TMEM132C: variants seen among roughly 807,000 people sequenced by gnomAD.
The protein encoded by TMEM132C is protein phosphatase 1, regulatory subunit 152.
Under a neutral mutation model 61.4 loss-of-function variants are expected in TMEM132C, and 29 were observed. The ratio of observed to expected loss-of-function variants is 0.47; its 90% CI spans 0.35 to 0.64. The LOEUF (loss-of-function observed/expected upper bound fraction) is 0.64. TMEM132C is among the 30% of genes least tolerant of loss of function. The pLI is 0.00. For synonymous variants in TMEM132C, 656 were observed against 633.1 expected, an observed-to-expected ratio of 1.04 and a Z score of -0.54; for missense variants, 1,408 against 1,476.9, an observed-to-expected ratio of 0.95 and a Z score of 0.76.
intron 1 of TMEM132C, among the ~76,000 whole-genome samples, chr12:128,384,660 T>C (rs1440447362): frequency 6.6e-6 from 1 of 152,180 alleles, no homozygotes; most frequent in African/African-American, 2.4e-5. Flanking sequence ...TCAGTTCTGA[T>C]TTTTACATGT....
At chr12:128,520,172 G>A (rs951116771) in intron 2 of TMEM132C, among the ~76,000 whole-genome samples, 1 of 152,218 alleles carries the variant, frequency 6.6e-6, no homozygotes, top group East Asian at 1.9e-4. Context: ...GCTCTCAGAA[G>A]CACAGATGTC....
intron 2 of TMEM132C, among the ~76,000 whole-genome samples, chr12:128,424,414 G>T (rs1869107901): frequency 6.6e-6 from 1 of 150,602 alleles, no homozygotes; most frequent in Non-Finnish European, 1.5e-5. Context: ...ACTGGTACAT[G>T]CTACAATATG....
At chr12:128,374,910 G>A (rs1362074271) in intron 1 of TMEM132C, among the ~76,000 whole-genome samples, 12 of 81,464 alleles carry the variant, frequency 1.5e-4, no homozygotes, top group East Asian at 3.9e-4. Context: ...GACAAACTCC[G>A]TCTGTCTCAA....
At chr12:128,424,572 G>A (rs1358993608) in intron 2 of TMEM132C, among the ~76,000 whole-genome samples, 4 of 152,276 alleles carry the variant, frequency 2.6e-5, no homozygotes, top group South Asian at 2.1e-4. Context: ...CCAGGACAAC[G>A]GGAGGTGGCA....
intron 3 of TMEM132C, among the ~76,000 whole-genome samples, chr12:128,603,940 T>C (rs1223213079): frequency 6.6e-6 from 1 of 152,098 alleles, no homozygotes; most frequent in Non-Finnish European, 1.5e-5. Context: ...CCACTTGTGG[T>C]TGGGCCAGAG....
chr12:128,551,502 G>C (rs112866217), intron 3 of TMEM132C, among the ~76,000 whole-genome samples: 3,881 of 152,214 alleles, frequency 0.025, 187 homozygotes, highest in African/African-American at 0.089. Flanking sequence ...GTCAGGCAAA[G>C]TCAGCCAACA....
chr12:128,493,333 A>G (rs1226738108), intron 2 of TMEM132C, among the ~76,000 whole-genome samples: 2 of 151,982 alleles, frequency 1.3e-5, no homozygotes, highest in African/African-American at 4.8e-5. Context: ...CGCAATGTGG[A>G]ATGTTTTTTG....
intron 3 of TMEM132C, among the ~76,000 whole-genome samples, chr12:128,596,102 G>A (rs1164380434): frequency 2.0e-5 from 3 of 151,956 alleles, no homozygotes; most frequent in African/African-American, 7.3e-5. Context: ...GGGCTTCACT[G>A]ATCCCGTTTT....
intron 4 of TMEM132C, among the ~76,000 whole-genome samples, chr12:128,663,622 T>C (rs1324191854): frequency 6.6e-6 from 1 of 152,248 alleles, no homozygotes; most frequent in Non-Finnish European, 1.5e-5. Flanking sequence ...TTTTTAACAC[T>C]TCCGTGTTAA....
rs34692834 is a variant in TMEM132C at position 128,305,539 on chromosome 12, C to CT, written c.85+38066dup. ...GCGGCTTTGTGTTGTGGTTTTGTGG[C>CT]TTTTTTTTTTTTTTCCATTTGAAAT... is the stretch of plus-strand genomic sequence containing the variant. On this transcript the variant is annotated intron_variant, in intron 1 of 8. Coordinates refer to ENST00000435159, the MANE Select transcript of TMEM132C (RefSeq NM_001136103.3). Among the ~76,000 whole-genome samples the CT allele has an allele frequency of 7.5e-3, 1,055 of 141,610 alleles. 4 individuals carry two copies. The highest frequency in any genetic ancestry group is 0.011 in the Non-Finnish European group (687 of 65,226). The allele number at this position is 141,610 out of a possible 152,430, so 92.9% of individuals were successfully genotyped here. A position where few individuals can be genotyped will look rare whatever the true frequency, so the allele number is the denominator to read the frequency against.
chr12:128,296,237 G>C (rs1200843380), intron 1 of TMEM132C, among the ~76,000 whole-genome samples: 1 of 152,178 alleles, frequency 6.6e-6, no homozygotes, highest in African/African-American at 2.4e-5. Flanking sequence ...GGATGCTTTG[G>C]GCTGCAAGTA....
At chr12:128,511,430 G>T (rs936052272) in intron 2 of TMEM132C, among the ~76,000 whole-genome samples, 7 of 152,142 alleles carry the variant, frequency 4.6e-5, no homozygotes, top group Non-Finnish European at 1.0e-4. Context: ...CTCCATAGAG[G>T]GATTCACAGA....
At chr12:128,342,672 A>G (rs954664746) in intron 1 of TMEM132C, among the ~76,000 whole-genome samples, 8 of 152,206 alleles carry the variant, frequency 5.3e-5, no homozygotes, top group Non-Finnish European at 1.0e-4. Flanking sequence ...TCTTCAGACC[A>G]GGTGGGTTTT....
intron 3 of TMEM132C, among the ~76,000 whole-genome samples, chr12:128,589,791 C>A (rs1447354383): frequency 2.0e-5 from 3 of 152,064 alleles, no homozygotes; most frequent in African/African-American, 4.8e-5. Context: ...GCAGTGCAGC[C>A]TTGGGCAAGG....
chr12:128,477,752 G>A lies in TMEM132C; in HGVS notation c.974+62132G>A, dbSNP rs141019263. On this transcript the variant is annotated intron_variant, in intron 2 of 8. Coordinates refer to ENST00000435159, the MANE Select transcript of TMEM132C (RefSeq NM_001136103.3). ...CCGCCGTCACACCCGGCTAATTTTT[G>A]CATTTTTTTAGTAGAGACAGGGTTT... Among the ~76,000 whole-genome samples the A allele has an allele frequency of 3.9e-5, 6 of 152,176 alleles. No homozygotes were observed. The East Asian group carries it at 1.2e-3, about 29-fold the overall frequency.
chr12:128,298,956 T>C (rs1456277452), intron 1 of TMEM132C, among the ~76,000 whole-genome samples: 16 of 152,212 alleles, frequency 1.1e-4, no homozygotes, highest in Non-Finnish European at 2.2e-4. Flanking sequence ...TTGTATGTAC[T>C]ATCATTTCCC....
intron 4 of TMEM132C, among the ~76,000 whole-genome samples, chr12:128,666,077 AGG>A (rs1954468527): frequency 9.1e-6 from 1 of 110,160 alleles, no homozygotes; most frequent in Non-Finnish European, 1.7e-5. Context: ...ACAAACACAC[AGG>A]CACACACACA....
chr12:128,267,589 C>T lies in TMEM132C; in HGVS notation c.85+102C>T. Reference sequence around the variant, plus strand: ...CCGAAGCGAGGGGTGCGGCGGGGGCCTCGGCGGGGGCTCGGATCCCATCAA... The same window carrying T: ...CCGAAGCGAGGGGTGCGGCGGGGGCTTCGGCGGGGGCTCGGATCCCATCAA... On this transcript the variant is annotated intron_variant, in intron 1 of 8. Coordinates refer to ENST00000435159, the MANE Select transcript of TMEM132C (RefSeq NM_001136103.3). 4 of 953,070 alleles carry T rather than the reference C, an allele frequency of 4.2e-6. No individual in the cohort carries two copies. The African/African-American group carries it at 7.0e-5, about 17-fold the overall frequency. The allele number at this position is 953,070 out of a possible 1,614,324, so 59.0% of individuals were successfully genotyped here.
intron 1 of TMEM132C, among the ~76,000 whole-genome samples, chr12:128,382,153 C>T (rs1040513930): frequency 1.1e-4 from 16 of 151,992 alleles, no homozygotes; most frequent in Non-Finnish European, 2.2e-4. Context: ...TCTCCTTAGG[C>T]GAAAGAAGCC....
Sources: allele counts gnomAD v4.1 joint callset (sites outside exome capture counted in the v4.1 genomes callset), GRCh38; gene constraint gnomAD v4.1.1; transcripts MANE v1.5; gene names NCBI Gene and HGNC (gene_info 2026-07-23, HGNC 2026-07-21).